MYO5B: variants seen among roughly 807,000 people sequenced by gnomAD.
MYO5B encodes myosin VB.
A neutral mutation model predicts 229.3 loss-of-function variants in MYO5B; 143 were observed. The observed-to-expected ratio is 0.62, with a 90% confidence interval of 0.54 to 0.72. The LOEUF (loss-of-function observed/expected upper bound fraction) is 0.72. Among genes scored for constraint, MYO5B ranks in the 30% least tolerant of loss-of-function variants. The pLI is 0.00. For missense variants in MYO5B, 2,321 were observed against 2,331.0 expected, an observed-to-expected ratio of 1.00 and a Z score of 0.09; for synonymous variants, 918 against 885.2, an observed-to-expected ratio of 1.04 and a Z score of -0.66.
intron 10 of MYO5B, among the ~76,000 whole-genome samples, chr18:49,964,825 A>G (rs1215657003): frequency 6.6e-6 from 1 of 152,168 alleles, no homozygotes; most frequent in East Asian, 1.9e-4. Flanking sequence ...AATGTGTGCA[A>G]TATGGCCCAA....
In MYO5B at chr18:49,963,060, G is replaced by A. The variant is rs58191032; in HGVS notation, c.1323-30C>T. On this transcript the variant is annotated intron_variant, in intron 10 of 39. Coordinates refer to ENST00000285039, the MANE Select transcript of MYO5B (RefSeq NM_001080467.3). ...AGAATGGAAAGAGAAGATAAGAGAC[G>A]TCTCCTTTCAACAAAGGAATCACTG... 132,937 of 1,580,836 alleles carry A rather than the reference G, an allele frequency of 0.084. 7,370 individuals carry two copies. Among genetic ancestry groups the A allele is most frequent in the African/African-American group, 0.26 (19,394 of 74,252 alleles).
intron 1 of MYO5B, among the ~76,000 whole-genome samples, chr18:50,103,736 G>T (rs111729088): frequency 0.015 from 2,279 of 151,306 alleles, 51 homozygotes; most frequent in African/African-American, 0.052. Context: ...GCAAGACCTT[G>T]TCTCCTCATC....
chr18:49,943,408 T>C (rs920817642), intron 14 of MYO5B, among the ~76,000 whole-genome samples: 6 of 152,200 alleles, frequency 3.9e-5, no homozygotes, highest in African/African-American at 1.4e-4. Flanking sequence ...TTCAAAGTCA[T>C]AAATATTGTC....
intron 14 of MYO5B, among the ~76,000 whole-genome samples, chr18:49,942,563 C>G (rs1207898862): frequency 6.6e-6 from 1 of 151,992 alleles, no homozygotes; most frequent in Non-Finnish European, 1.5e-5. Flanking sequence ...AGGATATGAA[C>G]AGACACTTCT....
At chr18:50,193,052 T>A (rs1028371743) in intron 1 of MYO5B, among the ~76,000 whole-genome samples, 3 of 152,272 alleles carry the variant, frequency 2.0e-5, no homozygotes, top group Admixed American at 6.5e-5. Context: ...CCATGCACTT[T>A]AATGTAACAA....
At chr18:49,997,857 C>T (rs1030137083) in intron 5 of MYO5B, among the ~76,000 whole-genome samples, 2 of 152,166 alleles carry the variant, frequency 1.3e-5, no homozygotes, top group African/African-American at 4.8e-5. Flanking sequence ...CGCAATGAGA[C>T]AACGCCGTGA....
chr18:50,192,297 A>C (rs11082810), intron 1 of MYO5B, among the ~76,000 whole-genome samples: 66,475 of 152,044 alleles, frequency 0.44, 15,631 homozygotes, highest in Admixed American at 0.55. Context: ...AACAAGTGAG[A>C]TCAAGACCCT....
chr18:50,085,445 G>T (rs946167410), intron 1 of MYO5B, among the ~76,000 whole-genome samples: 2 of 151,964 alleles, frequency 1.3e-5, no homozygotes, highest in African/African-American at 4.8e-5. Context: ...GGAGAAATAG[G>T]AACACTTTTA....
intron 1 of MYO5B, among the ~76,000 whole-genome samples, chr18:50,187,714 G>T (rs558639378): frequency 3.0e-4 from 46 of 152,022 alleles, no homozygotes; most frequent in Middle Eastern, 3.2e-3. Context: ...ATGAGGTCTC[G>T]CTATGTTGTC....
chr18:50,037,212 C>A (rs535274914), intron 3 of MYO5B, among the ~76,000 whole-genome samples: 436 of 149,826 alleles, frequency 2.9e-3, no homozygotes, highest in Admixed American at 6.7e-3. Context: ...CATACACACA[C>A]ACAAACACAC....
rs1307013087 is a variant in MYO5B at position 50,194,779 on chromosome 18, C to A, written c.15G>T (p.Glu5Asp). 7.9e-5 allele frequency: 115 copies of A among 1,461,590 alleles called. No individual in the cohort carries two copies. The highest frequency in any genetic ancestry group is 9.7e-5 in the Non-Finnish European group (108 of 1,110,638). 90.5% of individuals were successfully genotyped at this position (1,461,590 alleles called of 1,614,324 possible). Residue 5 changes from glutamate to aspartate, a missense_variant, in exon 1 of 40, where the codon GAG becomes GAT. Glu to Asp is a conservative substitution (Grantham distance 45, BLOSUM62 2). Transcript: ENST00000285039. MSVGELYSQCTRVWI... is the reference protein window; with the variant it reads MSVGDLYSQCTRVWI... ...CGGCCGCGCTCACCTGGCTGTAGAGCTCGCCCACCGACATGGCCCGGGCCG... is the reference window on the plus strand; with the variant it reads ...CGGCCGCGCTCACCTGGCTGTAGAGATCGCCCACCGACATGGCCCGGGCCG...
At chr18:49,907,897 T>C (rs2024917299) in intron 18 of MYO5B, among the ~76,000 whole-genome samples, 1 of 152,242 alleles carries the variant, frequency 6.6e-6, no homozygotes, top group Non-Finnish European at 1.5e-5. Context: ...CACTGGGCCT[T>C]CAGCTCATGC....
intron 2 of MYO5B, among the ~76,000 whole-genome samples, chr18:50,048,021 T>C (rs1002477796): frequency 1.3e-5 from 2 of 151,210 alleles, no homozygotes; most frequent in African/African-American, 4.9e-5. Context: ...CACACCAACA[T>C]GGCACATGTA....
intron 10 of MYO5B, among the ~76,000 whole-genome samples, chr18:49,971,447 G>A (rs2025691169): frequency 6.6e-6 from 1 of 152,198 alleles, no homozygotes; most frequent in African/African-American, 2.4e-5. Flanking sequence ...GCTATCCCAA[G>A]TTTCCACCCA....
intron 5 of MYO5B, among the ~76,000 whole-genome samples, chr18:49,994,964 C>T (rs1174233743): frequency 6.6e-6 from 1 of 152,210 alleles, no homozygotes; most frequent in African/African-American, 2.4e-5. Context: ...ACAAGATAGG[C>T]ATTACTAACT....
chr18:50,141,422 G>A (rs1236894500), intron 1 of MYO5B, among the ~76,000 whole-genome samples: 1 of 152,246 alleles, frequency 6.6e-6, no homozygotes, highest in Non-Finnish European at 1.5e-5. Flanking sequence ...CTGTTCTGCA[G>A]GAGTTGTCAT....
intron 1 of MYO5B, among the ~76,000 whole-genome samples, chr18:50,077,498 CACAA>C (rs1255950542): frequency 3.8e-4 from 44 of 116,712 alleles, no homozygotes; most frequent in African/African-American, 1.5e-3. Context: ...CACACACACA[CACAA>C]ACACACACAC....
At chr18:50,027,311 T>C (rs904754706) in intron 4 of MYO5B, among the ~76,000 whole-genome samples, 2 of 152,206 alleles carry the variant, frequency 1.3e-5, no homozygotes, top group Non-Finnish European at 2.9e-5. Context: ...GCTGTGTAAC[T>C]AGAACGGCGT....
chr18:50,136,268 C>T (rs578166223), intron 1 of MYO5B, among the ~76,000 whole-genome samples: 7 of 152,236 alleles, frequency 4.6e-5, no homozygotes, highest in African/African-American at 1.7e-4. Flanking sequence ...ACTGGAGTGG[C>T]CACGTTAGGG....
Sources: allele counts gnomAD v4.1 joint callset (sites outside exome capture counted in the v4.1 genomes callset), GRCh38; gene constraint gnomAD v4.1.1; transcripts MANE v1.5; gene names NCBI Gene and HGNC (gene_info 2026-07-23, HGNC 2026-07-21).